NDC80: variants seen among roughly 807,000 people sequenced by gnomAD.
NDC80 encodes the protein kinetochore protein NDC80 homolog.
Under a neutral mutation model 89.3 loss-of-function variants are expected in NDC80, and 69 were observed. That is an observed-to-expected ratio of 0.77 (90% CI 0.64 to 0.94). NDC80 has a LOEUF of 0.94. Ranked by LOEUF, NDC80 falls within the 40% of genes least tolerant of loss-of-function variation. The pLI, the probability that NDC80 is intolerant of heterozygous loss-of-function variation, is 0.00. For missense variants in NDC80, 593 were observed against 739.6 expected, an observed-to-expected ratio of 0.80 and a Z score of 2.30; for synonymous variants, 243 against 255.6, an observed-to-expected ratio of 0.95 and a Z score of 0.47.
Position 2,577,970 on chromosome 18 carries a change from T to G in NDC80, c.305T>G (p.Phe102Cys). ...IQQCIRQLCE[F>C]LTENGYAHNV... ...GGTGGTTCATAAAAATTATTGTAGT[T>G]TCTTACAGAAAATGGTTATGCACAT... The change falls in exon 5 of 17, where the codon TTT becomes TGT. Residue 102 changes from phenylalanine (F) to cysteine (C), a missense_variant and splice_region_variant. Phe to Cys is a radical substitution (Grantham distance 205). Coordinates refer to ENST00000261597, the MANE Select transcript of NDC80 (RefSeq NM_006101.3). 1 of 1,610,992 alleles carries G rather than the reference T, an allele frequency of 6.2e-7. No homozygotes were observed. The highest frequency in any genetic ancestry group is 8.5e-7 in the Non-Finnish European group (1 of 1,178,586).
intron 13 of NDC80, among the ~76,000 whole-genome samples, chr18:2,602,785 A>G (rs2072690737): frequency 6.6e-6 from 1 of 152,212 alleles, no homozygotes; most frequent in Non-Finnish European, 1.5e-5. Context: ...AGTTATGCTC[A>G]TCAGATTTTT....
chr18:2,585,232 T>G, intron 7 of NDC80, 30 bp downstream of exon 7: 1 of 1,499,206 alleles, frequency 6.7e-7, no homozygotes. Flanking sequence ...ACTGTAATAA[T>G]GAATTGCCTT....
chr18:2,577,038 G>A (rs1300174179), intron 3 of NDC80, among the ~76,000 whole-genome samples: 2 of 152,022 alleles, frequency 1.3e-5, no homozygotes, highest in Non-Finnish European at 2.9e-5. Flanking sequence ...AAATCTTAAG[G>A]TATTTTTGTA....
At position 2,610,760 on chromosome 18, in the gene NDC80, T is replaced by C; in HGVS notation, c.1690T>C (p.Tyr564His). 1 of 1,581,944 alleles carries C rather than the reference T, an allele frequency of 6.3e-7. No homozygotes were observed. Residue 564 changes from tyrosine (Y) to histidine (H), a missense_variant and splice_region_variant, in exon 16 of 17, where the codon TAC becomes CAC. Tyr to His is a moderately conservative substitution (Grantham distance 83). Transcript: ENST00000261597. Reference sequence around the variant, plus strand: ...TAAACAAGAGTTTTTGTTCTACAGATACCAACTAGTTGTGCAAACCACGAC... The same window carrying C: ...TAAACAAGAGTTTTTGTTCTACAGACACCAACTAGTTGTGCAAACCACGAC... ...MNELDAVQRE[Y>H]QLVVQTTTEE...
intron 8 of NDC80, among the ~76,000 whole-genome samples, chr18:2,588,750 G>C (rs2072613688): frequency 6.6e-6 from 1 of 152,132 alleles, no homozygotes; most frequent in Non-Finnish European, 1.5e-5. Flanking sequence ...GGAAAATTTA[G>C]AGTGATCTAA....
chr18:2,576,260 T>C (rs892371997), intron 3 of NDC80, among the ~76,000 whole-genome samples: 29 of 152,192 alleles, frequency 1.9e-4, no homozygotes, highest in Admixed American at 1.8e-3. Flanking sequence ...ATTTAAAATA[T>C]GCATTCAATT....
chr18:2,614,649 G>C (rs562382514), intron 16 of NDC80, among the ~76,000 whole-genome samples: 1 of 90,976 alleles, frequency 1.1e-5, no homozygotes, highest in Non-Finnish European at 2.5e-5. Context: ...AAGAAAGAAA[G>C]AAAGAAATAA....
Position 2,614,637 on chromosome 18 carries a change from GA to G in NDC80, c.1792-1797del, listed in dbSNP as rs1330986953. 1.1e-3 allele frequency among the ~76,000 whole-genome samples: 87 copies of G among 77,050 alleles called. 12 individuals are homozygous for G. Among genetic ancestry groups the G allele is most frequent in the South Asian group, 4.2e-3 (11 of 2,612 alleles). The allele number at this position is 77,050 out of a possible 152,430, so 50.5% of individuals were successfully genotyped here. On this transcript the variant is annotated intron_variant, in intron 16 of 16. Coordinates refer to ENST00000261597, the MANE Select transcript of NDC80 (RefSeq NM_006101.3). ...AGAAAGAAAGAAAGAAAGAAAGAAA[GA>G]AAGAAAGAAAGAAAGAAATAAATTT...
At chr18:2,575,570 G>A (rs774248509) in intron 3 of NDC80, among the ~76,000 whole-genome samples, 2 of 151,370 alleles carry the variant, frequency 1.3e-5, no homozygotes, top group Non-Finnish European at 1.5e-5. Context: ...CCAAGAGTTC[G>A]AGACCACCCT....
chr18:2,616,410 T>A, intron 16 of NDC80, 27 bp from the exon 17 acceptor site: 1 of 1,393,816 alleles, frequency 7.2e-7, no homozygotes. Flanking sequence ...TTTTTTTACT[T>A]TAACAATTGT....
chr18:2,575,357 A>G (rs899858055), intron 3 of NDC80, among the ~76,000 whole-genome samples: 4 of 152,200 alleles, frequency 2.6e-5, no homozygotes, highest in African/African-American at 4.8e-5. Context: ...GTGGCCAGGC[A>G]TGGTGGCCAT....
chr18:2,573,113 T>C (rs767826331), intron 2 of NDC80, 27 bp downstream of exon 2: 33 of 1,547,824 alleles, frequency 2.1e-5, no homozygotes, highest in Non-Finnish European at 2.8e-5. Context: ...TGGTTCTAAT[T>C]TGCATGCTTT....
intron 6 of NDC80, among the ~76,000 whole-genome samples, chr18:2,581,911 CATT>C: frequency 6.6e-6 from 1 of 152,224 alleles, no homozygotes; most frequent in Admixed American, 6.5e-5. Flanking sequence ...ATTGACATAA[CATT>C]GAATTCATGA....
chr18:2,577,215 CTTT>C (rs11326622), intron 3 of NDC80: 31 of 120,602 alleles, frequency 2.6e-4, no homozygotes, highest in Admixed American at 6.7e-4. Flanking sequence ...ACTGTCTGCG[CTTT>C]TTTTTTTTTT....
chr18:2,573,881 T>C (rs1342946465), intron 2 of NDC80, among the ~76,000 whole-genome samples: 1 of 152,210 alleles, frequency 6.6e-6, no homozygotes, highest in East Asian at 1.9e-4. Context: ...GTCAATGTTT[T>C]TTTGCCTGCA....
rs2072512679 is a variant in NDC80 at position 2,571,615 on chromosome 18, T to G, written c.-78T>G. The G allele has an allele frequency of 6.6e-6, 1 of 152,266 alleles. No individual in the cohort carries two copies. Among genetic ancestry groups the G allele is most frequent in the South Asian group, 2.1e-4 (1 of 4,838 alleles). 9.4% of individuals were successfully genotyped at this position (152,266 alleles called of 1,614,324 possible). On this transcript the variant is annotated 5_prime_UTR_variant, in exon 1 of 17. Coordinates refer to ENST00000261597, the MANE Select transcript of NDC80 (RefSeq NM_006101.3). The stretch of plus-strand genomic sequence containing the variant: ...CCTGGTGTTTTGATGACCGCTGTCC[T>G]GTCTAGCAGATACTTGCACGGTTTA...
chr18:2,586,523 A>T (rs928322016), intron 7 of NDC80, among the ~76,000 whole-genome samples: 2 of 152,162 alleles, frequency 1.3e-5, no homozygotes, highest in Non-Finnish European at 2.9e-5. Flanking sequence ...TGAGCTCCAG[A>T]GTTCAAGACC....
intron 6 of NDC80, among the ~76,000 whole-genome samples, chr18:2,581,319 C>A (rs926731368): frequency 6.6e-6 from 1 of 152,020 alleles, no homozygotes. Flanking sequence ...AAAGAGAAGG[C>A]CTTCTTTTTT....
At chr18:2,606,553 A>C in intron 14 of NDC80, 46 bp downstream of exon 14, 7 of 1,275,304 alleles carry the variant, frequency 5.5e-6, no homozygotes, top group African/African-American at 1.5e-5. Flanking sequence ...AAGCTATGTC[A>C]TGATTGCTTG....
Sources: allele counts gnomAD v4.1 joint callset (sites outside exome capture counted in the v4.1 genomes callset), GRCh38; gene constraint gnomAD v4.1.1; transcripts MANE v1.5; gene names NCBI Gene and HGNC (gene_info 2026-07-23, HGNC 2026-07-21).